The following CLSTN2 variants were observed in gnomAD, a reference collection of about 807,000 sequenced individuals.
The protein encoded by CLSTN2 is calsyntenin 2.
In CLSTN2, 48 loss-of-function variants were observed where a neutral mutation model predicts 101.2. The ratio of observed to expected loss-of-function variants is 0.47; its 90% CI spans 0.38 to 0.60. The LOEUF is 0.60. Ranked by LOEUF, CLSTN2 falls within the 20% of genes least tolerant of loss-of-function variation. The pLI is 0.00. For missense variants in CLSTN2, 1,160 were observed against 1,238.2 expected, an observed-to-expected ratio of 0.94 and a Z score of 0.95; for synonymous variants, 481 against 463.6, an observed-to-expected ratio of 1.04 and a Z score of -0.48.
intron 1 of CLSTN2, among the ~76,000 whole-genome samples, chr3:139,951,579 G>A (rs919620170): frequency 2.0e-5 from 3 of 152,142 alleles, no homozygotes; most frequent in African/African-American, 7.2e-5. Context: ...ACTGTTAGGG[G>A]GTGTGCGGGG....
intron 1 of CLSTN2, among the ~76,000 whole-genome samples, chr3:140,154,178 A>C (rs1022977009): frequency 6.6e-6 from 1 of 152,204 alleles, no homozygotes; most frequent in South Asian, 2.1e-4. Flanking sequence ...AGGATCCTTC[A>C]GATGGGGTCT....
At chr3:140,198,486 C>T (rs1239336561) in intron 2 of CLSTN2, among the ~76,000 whole-genome samples, 2 of 152,196 alleles carry the variant, frequency 1.3e-5, no homozygotes, top group Admixed American at 1.3e-4. Context: ...GCCAGGCTCA[C>T]CAGCTGTTGG....
intron 1 of CLSTN2, among the ~76,000 whole-genome samples, chr3:139,939,190 G>A (rs1935081348): frequency 6.6e-6 from 1 of 152,122 alleles, no homozygotes; most frequent in South Asian, 2.1e-4. Context: ...ACAACAGTAT[G>A]GTGTAATTGT....
intron 2 of CLSTN2, among the ~76,000 whole-genome samples, chr3:140,215,719 T>A (rs557390960): frequency 6.6e-6 from 1 of 152,336 alleles, no homozygotes; most frequent in African/African-American, 2.4e-5. Flanking sequence ...CCTCCCTGTG[T>A]TTCAGCTTCC....
In CLSTN2 at chr3:140,144,172, C is replaced by T. The variant is rs72986154; in HGVS notation, c.110-31779C>T. On this transcript the variant is annotated intron_variant, in intron 1 of 16. Transcript: ENST00000458420. ...GGAATTGCTAAAGAACTGACTTCCA[C>T]AGTTATTTCTGATGACAGGTAAAAA... 7.8e-3 allele frequency among the ~76,000 whole-genome samples: 1,195 copies of T among 152,316 alleles called. 10 individuals carry two copies. Among genetic ancestry groups the T allele is most frequent in the African/African-American group, 0.027 (1,128 of 41,562 alleles).
At chr3:139,961,993 A>G (rs1170135652) in intron 1 of CLSTN2, among the ~76,000 whole-genome samples, 1 of 152,148 alleles carries the variant, frequency 6.6e-6, no homozygotes. Context: ...TTTAATGGCT[A>G]CATAATATTT....
chr3:140,467,766 C>T (rs1256151971), intron 8 of CLSTN2, among the ~76,000 whole-genome samples: 1 of 152,044 alleles, frequency 6.6e-6, no homozygotes, highest in East Asian at 1.9e-4. Flanking sequence ...ATCTCCACCC[C>T]CACCCTCTCT....
At chr3:140,329,596 A>T (rs888553948) in intron 2 of CLSTN2, among the ~76,000 whole-genome samples, 23 of 148,996 alleles carry the variant, frequency 1.5e-4, no homozygotes, top group Non-Finnish European at 3.3e-4. Flanking sequence ...ATCTTGAATT[A>T]AAAAAAAAAA....
chr3:139,947,516 T>C (rs1935232803), intron 1 of CLSTN2, among the ~76,000 whole-genome samples: 1 of 152,266 alleles, frequency 6.6e-6, no homozygotes, highest in African/African-American at 2.4e-5. Context: ...CAGTTCATGA[T>C]ATTTTAAGAG....
intron 1 of CLSTN2, among the ~76,000 whole-genome samples, chr3:140,118,756 C>T (rs2009287358): frequency 1.3e-5 from 2 of 152,162 alleles, no homozygotes; most frequent in Non-Finnish European, 2.9e-5. Context: ...CTTCAAGACT[C>T]AGTTTCTACA....
At chr3:140,007,074 T>C (rs2006973573) in intron 1 of CLSTN2, among the ~76,000 whole-genome samples, 1 of 152,170 alleles carries the variant, frequency 6.6e-6, no homozygotes, top group African/African-American at 2.4e-5. Context: ...CTGAGGGTGA[T>C]GAATAACTAC....
rs7627078 is a variant in CLSTN2 at position 140,340,366 on chromosome 3, A to T, written c.233-63263A>T. 7.3e-3 allele frequency among the ~76,000 whole-genome samples: 1,113 copies of T among 152,336 alleles called. 14 individuals carry two copies. The highest frequency in any genetic ancestry group is 0.024 in the African/African-American group (990 of 41,570). On this transcript the variant is annotated intron_variant, in intron 2 of 16. Transcript: ENST00000458420. ...AGAGTGGGAATGAAAAGGATTAAAA[A>T]ACATAAGTGTAGAATAACCTTTATC... is the stretch of plus-strand genomic sequence containing the variant.
intron 5 of CLSTN2, among the ~76,000 whole-genome samples, chr3:140,421,909 G>T (rs996792226): frequency 6.6e-6 from 1 of 152,202 alleles, no homozygotes; most frequent in Middle Eastern, 3.2e-3. Flanking sequence ...GAGGACAGCT[G>T]CATAGATGGA....
chr3:139,948,520 A>C (rs1159206754), intron 1 of CLSTN2, among the ~76,000 whole-genome samples: 1 of 152,114 alleles, frequency 6.6e-6, no homozygotes, highest in African/African-American at 2.4e-5. Context: ...GAACCAGCCA[A>C]CCTTGCTAAA....
At chr3:140,382,582 C>T (rs1315037005) in intron 2 of CLSTN2, among the ~76,000 whole-genome samples, 2 of 152,152 alleles carry the variant, frequency 1.3e-5, no homozygotes, top group African/African-American at 2.4e-5. Context: ...TACCTCATTC[C>T]TTTTGGGGCC....
At chr3:140,489,995 A>G (rs972344180) in intron 8 of CLSTN2, among the ~76,000 whole-genome samples, 1 of 100,282 alleles carries the variant, frequency 1.0e-5, no homozygotes, top group Admixed American at 1.1e-4. Context: ...GCAACAGACA[A>G]GAAAAAAAAG....
chr3:140,177,054 C>T (rs911536117), intron 2 of CLSTN2, among the ~76,000 whole-genome samples: 2 of 151,896 alleles, frequency 1.3e-5, no homozygotes, highest in East Asian at 1.9e-4. Flanking sequence ...AAGCATGGAG[C>T]GAGAAGGTAG....
At chr3:140,325,318 C>A (rs555416167) in intron 2 of CLSTN2, among the ~76,000 whole-genome samples, 7 of 152,332 alleles carry the variant, frequency 4.6e-5, no homozygotes, top group Non-Finnish European at 7.3e-5. Context: ...GTTCCCACAG[C>A]AGTGGGCTTC....
intron 8 of CLSTN2, among the ~76,000 whole-genome samples, chr3:140,520,742 C>A (rs1258822944): frequency 1.3e-5 from 2 of 152,150 alleles, no homozygotes; most frequent in Non-Finnish European, 2.9e-5. Flanking sequence ...TGGATGATAT[C>A]CTCAAGTATG....
Sources: allele counts gnomAD v4.1 joint callset (sites outside exome capture counted in the v4.1 genomes callset), GRCh38; gene constraint gnomAD v4.1.1; transcripts MANE v1.5; gene names NCBI Gene and HGNC (gene_info 2026-07-23, HGNC 2026-07-21).